CCDC34: variants seen among roughly 807,000 people sequenced by gnomAD.
CCDC34 encodes the protein coiled-coil domain containing 34.
Under a neutral mutation model 44.1 loss-of-function variants are expected in CCDC34, and 40 were observed. The ratio of observed to expected loss-of-function variants is 0.91; its 90% CI spans 0.70 to 1.18. The LOEUF is 1.18. Ranked by LOEUF, CCDC34 falls within the 50% of genes most tolerant of loss-of-function variation. CCDC34 has a pLI of 0.00. For missense variants in CCDC34, 466 were observed against 452.3 expected (o/e 1.03, Z -0.28); for synonymous variants, 159 against 158.2 (o/e 1.01, Z -0.04).
At position 27,362,828 on chromosome 11, in the gene CCDC34, G is replaced by A. The variant is rs772071385; in HGVS notation, c.359+8C>T. ...AGGGCTGAATCGGCCGGGCGGCCTC[G>A]GGTTTACCTGGCGCACCCCTGTAAC... On this transcript the variant is annotated splice_region_variant and intron_variant, in intron 1 of 5. Transcript: ENST00000328697. 14 of 1,610,990 alleles carry A rather than the reference G, an allele frequency of 8.7e-6. No individual in the cohort carries two copies. The highest frequency in any genetic ancestry group is 1.3e-5 in the African/African-American group (1 of 74,792).
chr11:27,349,999 G>C (rs912770088), intron 3 of CCDC34: 3 of 1,171,128 alleles, frequency 2.6e-6, no homozygotes, highest in African/African-American at 1.6e-5. Flanking sequence ...ATGGATTTAC[G>C]AAGGAGAAAT....
At chr11:27,362,726 T>C (rs567347140) in intron 1 of CCDC34, 110 bp downstream of exon 1, 1 of 1,289,128 alleles carries the variant, frequency 7.8e-7, no homozygotes, top group East Asian at 2.4e-5. Context: ...AGTCTGCAAG[T>C]GCCTGCTCTG....
intron 3 of CCDC34, chr11:27,349,439 T>G: frequency 1.2e-6 from 1 of 822,940 alleles, no homozygotes. Context: ...AATTATTTAC[T>G]TAGTACTCTT....
intron 3 of CCDC34, among the ~76,000 whole-genome samples, chr11:27,344,238 G>A (rs1862402367): frequency 6.6e-6 from 1 of 151,974 alleles, no homozygotes; most frequent in African/African-American, 2.4e-5. Context: ...TAAGAGTCCA[G>A]CATTATTCTG....
intron 3 of CCDC34, among the ~76,000 whole-genome samples, chr11:27,346,160 A>G (rs1862430270): frequency 6.6e-6 from 1 of 152,142 alleles, no homozygotes. Flanking sequence ...AGTGAAAAAA[A>G]AAATACCATT....
chr11:27,352,608 C>T (rs893279251), intron 2 of CCDC34, among the ~76,000 whole-genome samples: 5 of 151,878 alleles, frequency 3.3e-5, no homozygotes, highest in African/African-American at 1.2e-4. Flanking sequence ...AAAATAGTCC[C>T]AAATTTTATT....
intron 3 of CCDC34, among the ~76,000 whole-genome samples, chr11:27,342,968 T>C (rs1184393449): frequency 6.6e-6 from 1 of 152,218 alleles, no homozygotes; most frequent in African/African-American, 2.4e-5. Context: ...CAAATAATTA[T>C]GAGCCAAGAA....
At chr11:27,358,804 C>G (rs1413114614) in intron 1 of CCDC34, among the ~76,000 whole-genome samples, 5 of 152,078 alleles carry the variant, frequency 3.3e-5, no homozygotes, top group Non-Finnish European at 5.9e-5. Flanking sequence ...GAAAACAAAT[C>G]TAATCATCCT....
chr11:27,342,310 TATATATAC>T (rs1256926216), intron 3 of CCDC34, among the ~76,000 whole-genome samples: 2 of 146,572 alleles, frequency 1.4e-5, no homozygotes, highest in African/African-American at 2.5e-5. Context: ...TATATATATA[TATATATAC>T]ACACACACAC....
intron 1 of CCDC34, among the ~76,000 whole-genome samples, chr11:27,362,045 T>C (rs1356637365): frequency 6.6e-6 from 1 of 152,180 alleles, no homozygotes; most frequent in Non-Finnish European, 1.5e-5. Context: ...GGTCTGCTAA[T>C]AACTAGGTGC....
chr11:27,354,751 C>G (rs1289655604), intron 2 of CCDC34, among the ~76,000 whole-genome samples: 1 of 149,800 alleles, frequency 6.7e-6, no homozygotes, highest in East Asian at 2.0e-4. Flanking sequence ...GCCTACAGTC[C>G]CAGCTACTCA....
intron 3 of CCDC34, among the ~76,000 whole-genome samples, chr11:27,342,900 A>G (rs991345550): frequency 3.3e-5 from 5 of 152,238 alleles, no homozygotes; most frequent in African/African-American, 1.2e-4. Context: ...AGGTTTGGAA[A>G]CAAATCTGGA....
chr11:27,354,839 AC>A (rs1862552426), intron 2 of CCDC34, among the ~76,000 whole-genome samples: 1 of 152,192 alleles, frequency 6.6e-6, no homozygotes, highest in Non-Finnish European at 1.5e-5. Context: ...AGCAAGGGTG[AC>A]AGAGTGAGAC....
At chr11:27,350,199 T>G (rs757185044) in intron 3 of CCDC34, 133 bp downstream of exon 3, 19 of 1,572,332 alleles carry the variant, frequency 1.2e-5, no homozygotes, top group African/African-American at 2.7e-5. Flanking sequence ...TCCACCAGGA[T>G]AGAAAAACAA....
intron 3 of CCDC34, chr11:27,349,663 G>A: frequency 2.0e-6 from 2 of 983,172 alleles, no homozygotes; most frequent in Non-Finnish European, 2.4e-6. Context: ...GTGATCCATA[G>A]AAGAATATAT....
chr11:27,352,819 T>C (rs1862521714), intron 2 of CCDC34, among the ~76,000 whole-genome samples: 1 of 152,226 alleles, frequency 6.6e-6, no homozygotes, highest in African/African-American at 2.4e-5. Context: ...TAGAAAATGC[T>C]ACCAATAACC....
intron 3 of CCDC34, among the ~76,000 whole-genome samples, chr11:27,345,650 G>A (rs373688868): frequency 1.3e-5 from 2 of 152,038 alleles, no homozygotes; most frequent in Non-Finnish European, 2.9e-5. Context: ...ATTCCATGGT[G>A]TATATGTGCC....
Position 27,363,101 on chromosome 11 carries a change from A to G in CCDC34, c.94T>C (p.Ser32Pro). The change falls in exon 1 of 6, where the codon TCC becomes CCC. Residue 32 changes from serine to proline, a missense_variant. Coordinates refer to ENST00000328697, the MANE Select transcript of CCDC34 (RefSeq NM_030771.2). ...GCGCCCGTCATAGGGACTGAGCAGGAGTCCGAGGAGGGCCGAGACCTGGGT... is the reference window on the plus strand; with the variant it reads ...GCGCCCGTCATAGGGACTGAGCAGGGGTCCGAGGAGGGCCGAGACCTGGGT... Reference protein sequence around the residue: ...CRPRSRPSSDSCSVPMTGARG... With the variant: ...CRPRSRPSSDPCSVPMTGARG... 6.3e-7 allele frequency: 1 copy of G among 1,598,874 alleles called. No homozygotes were observed.
intron 4 of CCDC34, 105 bp from the exon 5 acceptor site, chr11:27,340,942 C>T (rs1335545883): frequency 2.1e-6 from 2 of 959,696 alleles, no homozygotes; most frequent in South Asian, 1.7e-5. Flanking sequence ...ACCCCAATGG[C>T]TTACTGGCCA....
Sources: allele counts gnomAD v4.1 joint callset (sites outside exome capture counted in the v4.1 genomes callset), GRCh38; gene constraint gnomAD v4.1.1; transcripts MANE v1.5; gene names NCBI Gene and HGNC (gene_info 2026-07-23, HGNC 2026-07-21).